AFF4: variants seen among roughly 807,000 people sequenced by gnomAD.
The protein encoded by AFF4 is AF4/FMR2 family member 4.
A neutral mutation model predicts 124.8 loss-of-function variants in AFF4; 13 were observed. The ratio of observed to expected loss-of-function variants is 0.10; its 90% confidence interval spans 0.07 to 0.17. The LOEUF is 0.17. AFF4 is among the 10% of genes least tolerant of loss of function. AFF4 has a pLI of 1.00. For missense variants in AFF4, 1,092 were observed against 1,403.8 expected, an observed-to-expected ratio of 0.78 and a Z score of 3.55; for synonymous variants, 477 against 496.1, an observed-to-expected ratio of 0.96 and a Z score of 0.51.
At chr5:132,961,679 T>TC (rs1762085122) in intron 1 of AFF4, among the ~76,000 whole-genome samples, 1 of 152,132 alleles carries the variant, frequency 6.6e-6, no homozygotes, top group African/African-American at 2.4e-5. Flanking sequence ...CACCTTACAC[T>TC]CCCAAACTGT....
At chr5:132,949,430 A>C (rs1053925568) in intron 1 of AFF4, among the ~76,000 whole-genome samples, 1 of 152,096 alleles carries the variant, frequency 6.6e-6, no homozygotes, top group Non-Finnish European at 1.5e-5. Flanking sequence ...CAATCCCCGC[A>C]CTTTGGGAGG....
At chr5:132,923,556 G>A (rs373643210) in intron 5 of AFF4, among the ~76,000 whole-genome samples, 2 of 151,968 alleles carry the variant, frequency 1.3e-5, no homozygotes, top group East Asian at 3.9e-4. Flanking sequence ...GCAGTAGAGT[G>A]AGACCCCCGT....
intron 13 of AFF4, among the ~76,000 whole-genome samples, 181 bp from the exon 14 acceptor site, chr5:132,889,354 T>C (rs571299581): frequency 1.3e-5 from 2 of 151,798 alleles, no homozygotes; most frequent in African/African-American, 4.8e-5. Flanking sequence ...AAAGGGTCCA[T>C]TTTATATAAC....
At chr5:132,912,760 C>T (rs921983413) in intron 5 of AFF4, among the ~76,000 whole-genome samples, 4 of 151,810 alleles carry the variant, frequency 2.6e-5, no homozygotes, top group African/African-American at 9.7e-5. Flanking sequence ...ACAGATTCTA[C>T]GACGGGAGAA....
chr5:132,881,238 C>T (rs1443448217), intron 20 of AFF4, 52 bp from the exon 21 acceptor site: 7 of 1,578,764 alleles, frequency 4.4e-6, no homozygotes, highest in Non-Finnish European at 6.0e-6. Flanking sequence ...TGAATCACTG[C>T]TTTAAAACTA....
intron 4 of AFF4, among the ~76,000 whole-genome samples, chr5:132,928,977 G>T (rs948441896): frequency 6.6e-6 from 1 of 152,078 alleles, no homozygotes; most frequent in Non-Finnish European, 1.5e-5. Context: ...CAGCTCAAAG[G>T]CATAACATTA....
At chr5:132,942,025 T>C (rs894859757) in intron 1 of AFF4, among the ~76,000 whole-genome samples, 4 of 148,640 alleles carry the variant, frequency 2.7e-5, no homozygotes, top group Non-Finnish European at 6.0e-5. Flanking sequence ...AAAAAAAAAG[T>C]AAGCAATCAA....
At chr5:132,939,403 C>A (rs1185399177) in intron 1 of AFF4, among the ~76,000 whole-genome samples, 1 of 152,128 alleles carries the variant, frequency 6.6e-6, no homozygotes, top group Non-Finnish European at 1.5e-5. Context: ...TACCACAAAA[C>A]TTAAGTATTC....
intron 4 of AFF4, among the ~76,000 whole-genome samples, chr5:132,928,480 T>C (rs145335720): frequency 1.3e-3 from 204 of 152,280 alleles, no homozygotes; most frequent in African/African-American, 4.3e-3. Context: ...AATTATGTAA[T>C]CTTCCTCATT....
At chr5:132,957,928 T>C (rs576137717) in intron 1 of AFF4, among the ~76,000 whole-genome samples, 61 of 152,132 alleles carry the variant, frequency 4.0e-4, no homozygotes, top group Middle Eastern at 3.4e-3. Flanking sequence ...GGAAAACTTA[T>C]AGATTAAAAG....
At chr5:132,881,800 C>T (rs1424633447) in intron 20 of AFF4, among the ~76,000 whole-genome samples, 1 of 151,538 alleles carries the variant, frequency 6.6e-6, no homozygotes, top group Non-Finnish European at 1.5e-5. Context: ...GATTCTGCTG[C>T]CTCAGCCAAA....
intron 1 of AFF4, among the ~76,000 whole-genome samples, chr5:132,950,351 T>G (rs967564727): frequency 6.6e-6 from 1 of 152,218 alleles, no homozygotes; most frequent in African/African-American, 2.4e-5. Context: ...GGCACATGCC[T>G]GTAATCCCAG....
intron 9 of AFF4, 110 bp from the exon 10 acceptor site, chr5:132,898,502 T>C (rs896534803): frequency 9.8e-5 from 95 of 966,580 alleles, no homozygotes; most frequent in Non-Finnish European, 1.3e-4. Context: ...TTTTTTTTTT[T>C]AGACGGAGTC....
intron 1 of AFF4, among the ~76,000 whole-genome samples, chr5:132,959,175 G>A (rs1331681529): frequency 1.3e-5 from 2 of 150,886 alleles, no homozygotes; most frequent in African/African-American, 4.9e-5. Flanking sequence ...TGCCAGGCTG[G>A]AGTGCAGTGG....
Position 132,896,604 on chromosome 5 carries a change from C to T in AFF4, c.2026G>A (p.Val676Ile). Residue 676 changes from valine (V) to isoleucine (I), a missense_variant, in exon 11 of 21, where the codon GTT becomes ATT. Physicochemically the swap from Val to Ile is conservative, Grantham distance 29. This residue lies in a region of AFF4 where 293 missense variants were observed against 280.2 expected (regional missense o/e 1.05). Coordinates refer to ENST00000265343, the MANE Select transcript of AFF4 (RefSeq NM_014423.4). Reference protein sequence around the residue: ...PKYPESNRTPVKPSSVEEEDS... With the variant: ...PKYPESNRTPIKPSSVEEEDS... ...TCTTCCTCCACTGAGGAGGGTTTAA[C>T]AGGAGTCCTATTGCTCTCGGGGTAC... The T allele has an allele frequency of 6.2e-7, 1 of 1,614,054 alleles. No homozygotes were observed.
At chr5:132,940,644 A>G (rs57246251) in intron 1 of AFF4, among the ~76,000 whole-genome samples, 3,369 of 152,314 alleles carry the variant, frequency 0.022, 132 homozygotes, top group African/African-American at 0.078. Context: ...CTGTAATTCA[A>G]TGTCAAAGAA....
chr5:132,951,444 C>T (rs1761840020), intron 1 of AFF4, among the ~76,000 whole-genome samples: 1 of 152,210 alleles, frequency 6.6e-6, no homozygotes, highest in Non-Finnish European at 1.5e-5. Flanking sequence ...TGTACTTCTC[C>T]TGATCACATC....
chr5:132,924,804 G>A (rs1240082208), intron 5 of AFF4, among the ~76,000 whole-genome samples: 3 of 151,064 alleles, frequency 2.0e-5, no homozygotes, highest in Non-Finnish European at 4.4e-5. Flanking sequence ...GCAGTGAGTC[G>A]AGATCGCACC....
intron 11 of AFF4, among the ~76,000 whole-genome samples, chr5:132,894,357 C>A (rs1760335353): frequency 6.6e-6 from 1 of 152,190 alleles, no homozygotes; most frequent in Admixed American, 6.5e-5. Flanking sequence ...TACTTTTGAT[C>A]ATAGCACAGC....
Sources: allele counts gnomAD v4.1 joint callset (sites outside exome capture counted in the v4.1 genomes callset), GRCh38; gene constraint gnomAD v4.1.1; regional missense constraint gnomAD v4.1.1; transcripts MANE v1.5; gene names NCBI Gene and HGNC (gene_info 2026-07-23, HGNC 2026-07-21).